The following CCDC152 variants were observed in gnomAD, a reference collection of about 807,000 sequenced individuals.
CCDC152 encodes coiled-coil domain containing 152.
In CCDC152, 37 loss-of-function variants were observed where a neutral mutation model predicts 38.1. That is an observed-to-expected ratio of 0.97 (90% CI 0.75 to 1.28). The LOEUF (loss-of-function observed/expected upper bound fraction) is 1.28, where lower values mean the gene tolerates loss of function less well. Ranked by LOEUF, CCDC152 falls within the 50% of genes most tolerant of loss-of-function variation. CCDC152 has a pLI of 0.00. For missense variants in CCDC152, 259 were observed against 292.1 expected (o/e 0.89, Z 0.83); for synonymous variants, 83 against 87.1 (o/e 0.95, Z 0.26).
intron 3 of CCDC152, among the ~76,000 whole-genome samples, chr5:42,763,334 C>A (rs1446991528): frequency 1.3e-5 from 2 of 152,120 alleles, no homozygotes. Context: ...AATAAATAAA[C>A]AATTGGGGAA....
At chr5:42,769,811 G>A (rs574773868) in intron 4 of CCDC152, 146 bp downstream of exon 4, 1 of 972,578 alleles carries the variant, frequency 1.0e-6, no homozygotes, top group Admixed American at 3.9e-5. Flanking sequence ...TTTCCTAGAT[G>A]ATTATGAAAT....
At chr5:42,757,499 G>A (rs1240670734) in intron 1 of CCDC152, among the ~76,000 whole-genome samples, 1 of 152,184 alleles carries the variant, frequency 6.6e-6, no homozygotes, top group African/African-American at 2.4e-5. Context: ...CTGTGGGGAC[G>A]GTTGAAGCTG....
At chr5:42,780,583 G>A (rs1319035611) in intron 5 of CCDC152, among the ~76,000 whole-genome samples, 1 of 152,080 alleles carries the variant, frequency 6.6e-6, no homozygotes, top group Non-Finnish European at 1.5e-5. Context: ...GCTTTGTTGA[G>A]AATACTACAG....
At chr5:42,770,907 T>C (rs925264318) in intron 4 of CCDC152, among the ~76,000 whole-genome samples, 12 of 152,196 alleles carry the variant, frequency 7.9e-5, no homozygotes, top group African/African-American at 2.7e-4. Context: ...GGATTGTTTC[T>C]TAATTTCCTT....
intron 4 of CCDC152, among the ~76,000 whole-genome samples, chr5:42,779,186 G>A (rs527941269): frequency 1.3e-5 from 2 of 152,188 alleles, no homozygotes; most frequent in South Asian, 4.1e-4. Flanking sequence ...GGTTCCTGTA[G>A]TATTTCAGAT....
chr5:42,782,414 TA>T (rs1191219428), intron 5 of CCDC152, among the ~76,000 whole-genome samples: 2 of 152,142 alleles, frequency 1.3e-5, no homozygotes, highest in East Asian at 1.9e-4. Context: ...AAAGCAAAGA[TA>T]AAAAAAGACA....
intron 4 of CCDC152, among the ~76,000 whole-genome samples, chr5:42,772,683 T>C (rs1055483352): frequency 1.3e-5 from 2 of 150,238 alleles, no homozygotes; most frequent in African/African-American, 4.9e-5. Flanking sequence ...TTCTTAAAAA[T>C]GAATATTGTA....
At chr5:42,759,263 G>A in intron 2 of CCDC152, 55 bp downstream of exon 2, 1 of 1,115,700 alleles carries the variant, frequency 9.0e-7, no homozygotes, top group Non-Finnish European at 1.3e-6. Flanking sequence ...AACAGATTTT[G>A]CCAAGGGAAG....
chr5:42,800,531 TA>T lies in CCDC152; in HGVS notation c.*756del. 1 of 647,822 alleles carries T rather than the reference TA, an allele frequency of 1.5e-6. No individual in the cohort carries two copies. Among genetic ancestry groups the T allele is most frequent in the Non-Finnish European group, 2.5e-6 (1 of 407,226 alleles). 40.1% of individuals were successfully genotyped at this position (647,822 alleles called of 1,614,324 possible). A position where few individuals can be genotyped will look rare whatever the true frequency, so the allele number is the denominator to read the frequency against. ...CAATCACCTTTCAGTTGCTCCATCA[TA>T]AAAAATATGGTTTGAGTCAATATTT... On this transcript the variant is annotated 3_prime_UTR_variant, in exon 9 of 9. Transcript: ENST00000361970.
intron 4 of CCDC152, among the ~76,000 whole-genome samples, chr5:42,775,715 T>C (rs1029155520): frequency 2.0e-5 from 3 of 152,094 alleles, no homozygotes; most frequent in Admixed American, 6.5e-5. Flanking sequence ...TATTCAAAAT[T>C]ATAGCAACAA....
intron 6 of CCDC152, among the ~76,000 whole-genome samples, chr5:42,790,791 C>T (rs1303949390): frequency 6.6e-6 from 1 of 152,212 alleles, no homozygotes; most frequent in Non-Finnish European, 1.5e-5. Context: ...AGCTTGCCTT[C>T]GTAGCCCTAT....
intron 4 of CCDC152, among the ~76,000 whole-genome samples, chr5:42,774,160 TAAC>T (rs144132061): frequency 1.3e-5 from 2 of 152,244 alleles, no homozygotes; most frequent in East Asian, 3.9e-4. Context: ...AATCACAACT[TAAC>T]AAGAGCAGAA....
rs1236901158 is a variant in CCDC152 at position 42,781,553 on chromosome 5, G to GCACACACACA, written c.328-1920_328-1919insACACACACAC. Among the ~76,000 whole-genome samples the GCACACACACA allele has an allele frequency of 6.4e-5, 8 of 125,838 alleles. No homozygotes were observed. The South Asian group carries it at 1.2e-3, about 19-fold the overall frequency. 82.6% of individuals were successfully genotyped at this position (125,838 alleles called of 152,430 possible). On this transcript the variant is annotated intron_variant, in intron 5 of 8. Coordinates refer to ENST00000361970, the MANE Select transcript of CCDC152 (RefSeq NM_001134848.2). Reference sequence around the variant, plus strand: ...TCCTCACTGAGAAAAATGCGCGCGCGCGCACACACACACACACACACACAC... The same window carrying GCACACACACA: ...TCCTCACTGAGAAAAATGCGCGCGCGCACACACACACGCACACACACACACACACACACAC...
rs1046646117 is a variant in CCDC152, at chr5:42,801,799, C to G, written c.*2018C>G. ...GGGTGTGGTGTCAGATGCCTGTAGT[C>G]CCAGCTACTTGTGAGGCTGAGGTGG... is the stretch of plus-strand genomic sequence containing the variant. On this transcript the variant is annotated 3_prime_UTR_variant, in exon 9 of 9. Coordinates refer to ENST00000361970, the MANE Select transcript of CCDC152 (RefSeq NM_001134848.2). The G allele has an allele frequency of 1.9e-5, 3 of 157,126 alleles. No individual in the cohort carries two copies. Among genetic ancestry groups the G allele is most frequent in the African/African-American group, 7.2e-5 (3 of 41,600 alleles). The allele number at this position is 157,126 out of a possible 1,614,324, so 9.7% of individuals were successfully genotyped here.
At chr5:42,795,023 GC>G (rs1190882969) in intron 6 of CCDC152, among the ~76,000 whole-genome samples, 4 of 152,042 alleles carry the variant, frequency 2.6e-5, no homozygotes, top group Non-Finnish European at 1.5e-5. Flanking sequence ...AAATGTAAAA[GC>G]CAACAAATAA....
chr5:42,780,088 A>G (rs1195319996), intron 5 of CCDC152, among the ~76,000 whole-genome samples: 17 of 152,142 alleles, frequency 1.1e-4, no homozygotes, highest in Admixed American at 1.1e-3. Flanking sequence ...AAGATGCTAA[A>G]TAAATGTCAG....
chr5:42,800,884 A>G lies in CCDC152; in HGVS notation c.*1103A>G, dbSNP rs1282353306. ...TCTGCCCGAAGTCCCTGTCAGCTACATAAAGATGGGAGGTTTTCTTTACAC... is the reference window on the plus strand; with the variant it reads ...TCTGCCCGAAGTCCCTGTCAGCTACGTAAAGATGGGAGGTTTTCTTTACAC... On this transcript the variant is annotated 3_prime_UTR_variant, in exon 9 of 9. Coordinates refer to ENST00000361970, the MANE Select transcript of CCDC152 (RefSeq NM_001134848.2). 6.2e-7 allele frequency: 1 copy of G among 1,614,220 alleles called. No homozygotes were observed. The highest frequency in any genetic ancestry group is 1.7e-5 in the Admixed American group (1 of 60,024).
At chr5:42,769,512 A>G in intron 3 of CCDC152, 85 bp from the exon 4 acceptor site, 1 of 1,326,066 alleles carries the variant, frequency 7.5e-7, no homozygotes. Context: ...CTTAAATATT[A>G]TTTTATTTTA....
chr5:42,801,217 G>A lies in CCDC152; in HGVS notation c.*1436G>A, dbSNP rs1348393909. On this transcript the variant is annotated 3_prime_UTR_variant, in exon 9 of 9. Coordinates refer to ENST00000361970, the MANE Select transcript of CCDC152 (RefSeq NM_001134848.2). ...TCTGAAAGCTCACTGCTGCCAAGGT[G>A]CTGATGTCCATGATTGTGATGATGC... 3.1e-6 allele frequency: 5 copies of A among 1,614,060 alleles called. No individual in the cohort carries two copies. The African/African-American group carries it at 6.7e-5, about 22-fold the overall frequency.
Sources: allele counts gnomAD v4.1 joint callset (sites outside exome capture counted in the v4.1 genomes callset), GRCh38; gene constraint gnomAD v4.1.1; transcripts MANE v1.5; gene names NCBI Gene and HGNC (gene_info 2026-07-23, HGNC 2026-07-21).